Variants in S100Z observed in about 807,000 individuals in gnomAD.
S100Z encodes the protein S100 calcium binding protein Z.
In S100Z, 11 loss-of-function variants were observed where a neutral mutation model predicts 8.5. The observed-to-expected ratio is 1.30, with a 90% CI of 0.82 to 2.15. The LOEUF is 2.15. Among genes scored for constraint, S100Z ranks in the 30% most tolerant of loss-of-function variants. S100Z has a pLI of 0.00. For synonymous variants in S100Z, 34 were observed against 43.8 expected (o/e 0.78, Z 0.89); for missense variants, 126 against 117.9 (o/e 1.07, Z -0.32).
intron 1 of S100Z, among the ~76,000 whole-genome samples, chr5:76,853,255 C>T (rs111959172): frequency 2.1e-4 from 32 of 152,272 alleles, no homozygotes; most frequent in Admixed American, 3.3e-4. Flanking sequence ...GATGTGATGC[C>T]TGGAATTGCA....
chr5:76,901,453 A>C (rs1202437309), intron 4 of S100Z, among the ~76,000 whole-genome samples: 6 of 152,290 alleles, frequency 3.9e-5, no homozygotes, highest in African/African-American at 1.4e-4. Flanking sequence ...AGTTCTTCCC[A>C]CTTTTTCATC....
intron 4 of S100Z, among the ~76,000 whole-genome samples, chr5:76,915,858 AATGTT>A (rs1413141738): frequency 6.6e-6 from 1 of 152,302 alleles, no homozygotes; most frequent in Non-Finnish European, 1.5e-5. Context: ...ATTAATTTAA[AATGTT>A]ATGTTAACAT....
chr5:76,945,965 C>T, the S100Z span, among the ~76,000 whole-genome samples: 2 of 152,274 alleles, frequency 1.3e-5, no homozygotes, highest in East Asian at 3.9e-4. Context: ...TTGAGGTACT[C>T]CAAAGGCCAT....
chr5:76,895,167 C>T (rs1460635410), intron 4 of S100Z, among the ~76,000 whole-genome samples: 1 of 152,122 alleles, frequency 6.6e-6, no homozygotes, highest in Non-Finnish European at 1.5e-5. Flanking sequence ...AAGTCAAGCG[C>T]ATGTTTTCTG....
At chr5:76,871,827 C>T (rs548111363) in intron 2 of S100Z, among the ~76,000 whole-genome samples, 6 of 152,306 alleles carry the variant, frequency 3.9e-5, no homozygotes, top group East Asian at 3.9e-4. Flanking sequence ...GGGCCCTGCC[C>T]GAAAATCTTT....
chr5:76,895,765 C>CTTTT (rs57723242), intron 4 of S100Z, among the ~76,000 whole-genome samples: 28 of 88,368 alleles, frequency 3.2e-4, no homozygotes, highest in East Asian at 1.1e-3. Flanking sequence ...TCTTTTCTTC[C>CTTTT]TTTTTTTTTT....
intron 3 of S100Z, among the ~76,000 whole-genome samples, chr5:76,876,679 C>T (rs1310726341): frequency 6.6e-6 from 1 of 152,146 alleles, no homozygotes; most frequent in African/African-American, 2.4e-5. Flanking sequence ...CCAACTTTGG[C>T]TACTGTACTG....
At chr5:76,888,656 G>T (rs868632165) in intron 4 of S100Z, among the ~76,000 whole-genome samples, 1 of 151,988 alleles carries the variant, frequency 6.6e-6, no homozygotes, top group African/African-American at 2.4e-5. Flanking sequence ...GATTACAGGC[G>T]TGAGCCACCG....
At chr5:76,876,649 G>A (rs940349513) in intron 3 of S100Z, among the ~76,000 whole-genome samples, 10 of 152,168 alleles carry the variant, frequency 6.6e-5, no homozygotes, top group Non-Finnish European at 1.3e-4. Flanking sequence ...GAGATTACAG[G>A]CGTGAGCCAC....
chr5:76,928,949 C>G, the S100Z span, among the ~76,000 whole-genome samples: 1 of 152,220 alleles, frequency 6.6e-6, no homozygotes. Flanking sequence ...ACTATGTTGC[C>G]TAGGCTGGTC....
At chr5:76,939,902 G>A in the S100Z span, among the ~76,000 whole-genome samples, 2 of 152,018 alleles carry the variant, frequency 1.3e-5, no homozygotes, top group Admixed American at 1.3e-4. Context: ...GCTCACGCCT[G>A]TAATGCCAGC....
At chr5:76,945,169 T>A in the S100Z span, among the ~76,000 whole-genome samples, 3 of 152,216 alleles carry the variant, frequency 2.0e-5, no homozygotes, top group African/African-American at 7.2e-5. Flanking sequence ...TGTGCCTTGT[T>A]AACAAAATGT....
At chr5:76,938,183 A>G in the S100Z span, among the ~76,000 whole-genome samples, 1 of 152,312 alleles carries the variant, frequency 6.6e-6, no homozygotes, top group East Asian at 1.9e-4. Context: ...GGACTCAATC[A>G]ATGCCTGTCT....
intron 4 of S100Z, among the ~76,000 whole-genome samples, chr5:76,913,756 C>T (rs1744752707): frequency 6.6e-6 from 1 of 152,234 alleles, no homozygotes; most frequent in Non-Finnish European, 1.5e-5. Context: ...GACCTCCTCA[C>T]TGCTGAGAAA....
chr5:76,948,325 C>CTAAATAAATAAATAAATAAATAAA, the S100Z span, among the ~76,000 whole-genome samples: 27 of 147,874 alleles, frequency 1.8e-4, no homozygotes, highest in South Asian at 4.5e-4. Context: ...GACTCTGTCT[C>CTAAATAAATAAATAAATAAATAAA]TAAATAAATA....
At chr5:76,881,636 T>C (rs1743405136) in intron 4 of S100Z, among the ~76,000 whole-genome samples, 1 of 152,206 alleles carries the variant, frequency 6.6e-6, no homozygotes, top group Non-Finnish European at 1.5e-5. Flanking sequence ...GAAATGACGA[T>C]AGACTAGAAT....
At chr5:76,864,471 G>A (rs898983202) in intron 1 of S100Z, among the ~76,000 whole-genome samples, 12 of 122,118 alleles carry the variant, frequency 9.8e-5, no homozygotes, top group African/African-American at 1.6e-4. Context: ...GCACAATCTC[G>A]GCTAACTGTA....
chr5:76,888,776 G>A (rs1257308549), intron 4 of S100Z, among the ~76,000 whole-genome samples: 1 of 152,204 alleles, frequency 6.6e-6, no homozygotes, highest in East Asian at 1.9e-4. Flanking sequence ...GGCTCTTAGA[G>A]CCAGGCCAGC....
At chr5:76,904,853 C>T (rs2150673741) in intron 4 of S100Z, among the ~76,000 whole-genome samples, 1 of 152,258 alleles carries the variant, frequency 6.6e-6, no homozygotes, top group East Asian at 1.9e-4. Context: ...CCTCACTTTT[C>T]ATTCTCTTAA....
Sources: allele counts gnomAD v4.1 joint callset (sites outside exome capture counted in the v4.1 genomes callset), GRCh38; gene constraint gnomAD v4.1.1; transcripts MANE v1.5; gene names NCBI Gene and HGNC (gene_info 2026-07-23, HGNC 2026-07-21).